The following CDH23 variants were observed in gnomAD, a reference collection of about 807,000 sequenced individuals.
The protein encoded by CDH23 is cadherin-23.
CDH23 carries 189 observed loss-of-function variants against 317.1 expected under a neutral mutation model. That is an observed-to-expected ratio of 0.60 (90% CI 0.53 to 0.67). The LOEUF is 0.67. Ranked by LOEUF, CDH23 falls within the 30% of genes least tolerant of loss-of-function variation. The probability of loss-of-function intolerance (pLI) is 0.00; values close to 1 mark genes in which losing one functional copy is unlikely to be tolerated. For missense variants in CDH23, 4,401 were observed against 4,592.4 expected, an observed-to-expected ratio of 0.96 and a Z score of 1.20; for synonymous variants, 1,839 against 1,876.8, an observed-to-expected ratio of 0.98 and a Z score of 0.52.
intron 48 of CDH23, 111 bp from the exon 49 acceptor site, chr10:71,796,993 G>C: frequency 1.4e-6 from 1 of 694,198 alleles, no homozygotes; most frequent in African/African-American, 1.8e-5. Context: ...GATTCTACTG[G>C]GGACCGTCAT....
intron 12 of CDH23, among the ~76,000 whole-genome samples, chr10:71,644,768 C>T (rs575880826): frequency 9.2e-5 from 14 of 152,242 alleles, no homozygotes; most frequent in Admixed American, 9.2e-4. Flanking sequence ...GTGGGCTCTG[C>T]ACCATAAGCC....
At chr10:71,609,143 G>A (rs1429698967) in intron 9 of CDH23, among the ~76,000 whole-genome samples, 1 of 152,120 alleles carries the variant, frequency 6.6e-6, no homozygotes, top group South Asian at 2.1e-4. Context: ...GGGGCGTGAA[G>A]GGGGGTAGCC....
chr10:71,779,482 C>T, intron 41 of CDH23, 35 bp downstream of exon 41: 1 of 1,549,352 alleles, frequency 6.5e-7, no homozygotes, highest in Non-Finnish European at 8.8e-7. Flanking sequence ...CCCACAGGGT[C>T]TCACCTGCAC....
chr10:71,653,266 G>T (rs1417880309), intron 14 of CDH23, among the ~76,000 whole-genome samples: 1 of 152,208 alleles, frequency 6.6e-6, no homozygotes, highest in African/African-American at 2.4e-5. Context: ...GGAAAAGGTG[G>T]GTATGATGTC....
chr10:71,798,813 C>T (rs753785984), intron 50 of CDH23, among the ~76,000 whole-genome samples: 1 of 152,156 alleles, frequency 6.6e-6, no homozygotes, highest in Non-Finnish European at 1.5e-5. Context: ...ACCCCACCAC[C>T]CAAGCTCCTA....
intron 1 of CDH23, among the ~76,000 whole-genome samples, chr10:71,434,076 G>T (rs1041973228): frequency 1.3e-5 from 2 of 151,996 alleles, no homozygotes; most frequent in African/African-American, 4.8e-5. Context: ...AGCCACGCTG[G>T]CCTCCTCATG....
chr10:71,475,299 A>G (rs536505260), intron 3 of CDH23, among the ~76,000 whole-genome samples: 2 of 152,288 alleles, frequency 1.3e-5, no homozygotes, highest in East Asian at 3.9e-4. Context: ...CCCAAGTGTG[A>G]GCATCACAGT....
chr10:71,572,411 C>T (rs1857879356), intron 8 of CDH23, among the ~76,000 whole-genome samples: 1 of 152,178 alleles, frequency 6.6e-6, no homozygotes, highest in Admixed American at 6.5e-5. Context: ...CCTGAGTGGT[C>T]AGCACTCTTG....
chr10:71,522,733 T>G (rs1470877410), intron 6 of CDH23, among the ~76,000 whole-genome samples: 1 of 152,078 alleles, frequency 6.6e-6, no homozygotes, highest in Non-Finnish European at 1.5e-5. Flanking sequence ...GCTGCCTAGG[T>G]GCTGGGATAA....
In CDH23 at chr10:71,785,674, T is replaced by A; in HGVS notation, c.5756T>A (p.Ile1919Asn). Residue 1919 changes from isoleucine (I) to asparagine (N), a missense_variant, in exon 44 of 70, where the codon ATC becomes AAC. Physicochemically the swap from Ile to Asn is moderately radical, Grantham distance 149. Around this residue, in one of 3 missense-constraint regions of CDH23, gnomAD observed 3,068 missense variants for 3,203.3 expected, o/e 0.96. Coordinates refer to ENST00000224721, the MANE Select transcript of CDH23 (RefSeq NM_022124.6). ...AACCGGCCCCTGGACCGCGAGCGGATCCCAGAGTACAAGCTGACCATTTCT... is the reference window on the plus strand; with the variant it reads ...AACCGGCCCCTGGACCGCGAGCGGAACCCAGAGTACAAGCTGACCATTTCT... ...TVNRPLDRERIPEYKLTISVK... is the reference protein window; with the variant it reads ...TVNRPLDRERNPEYKLTISVK... The A allele has an allele frequency of 6.2e-7, 1 of 1,608,596 alleles. No homozygotes were observed. The highest frequency in any genetic ancestry group is 8.5e-7 in the Non-Finnish European group (1 of 1,177,700).
chr10:71,812,801 C>A lies in CDH23; in HGVS notation c.9544C>A (p.Pro3182Thr). The A allele has an allele frequency of 6.2e-7, 1 of 1,613,440 alleles. No homozygotes were observed. The highest frequency in any genetic ancestry group is 8.5e-7 in the Non-Finnish European group (1 of 1,179,618). The change falls in exon 68 of 70, where the codon CCT becomes ACT. Residue 3182 changes from proline (P) to threonine (T), a missense_variant. Pro to Thr is a conservative substitution (Grantham distance 38). Around this residue, in one of 3 missense-constraint regions of CDH23, gnomAD observed 1,144 missense variants for 1,138.2 expected, o/e 1.01. Transcript: ENST00000224721. Reference protein sequence around the residue: ...TFGREPAAVKPDDDRYLRAAI... With the variant: ...TFGREPAAVKTDDDRYLRAAI... ...TGGGCGTGAGCCAGCAGCTGTCAAG[C>A]CTGATGATGACCGATACCTGCGGGC... is the stretch of plus-strand genomic sequence containing the variant.
At chr10:71,789,918 A>G (rs1258410729) in intron 45 of CDH23, among the ~76,000 whole-genome samples, 3 of 152,232 alleles carry the variant, frequency 2.0e-5, no homozygotes, top group African/African-American at 7.2e-5. Context: ...AAGGCAGAGC[A>G]TTGTGTGAAC....
intron 4 of CDH23, 109 bp from the exon 5 acceptor site, chr10:71,510,845 G>T: frequency 1.9e-6 from 2 of 1,070,214 alleles, no homozygotes; most frequent in Non-Finnish European, 2.9e-6. Flanking sequence ...CCTGGTTCCA[G>T]GCAAGCTCCT....
intron 3 of CDH23, among the ~76,000 whole-genome samples, chr10:71,458,326 C>G (rs1850799770): frequency 1.3e-5 from 2 of 152,258 alleles, no homozygotes; most frequent in African/African-American, 4.8e-5. Context: ...TGTGCCTTCC[C>G]TTCCTCCTTT....
intron 38 of CDH23, among the ~76,000 whole-genome samples, chr10:71,772,516 A>G (rs1840710052): frequency 6.6e-6 from 1 of 152,188 alleles, no homozygotes; most frequent in Non-Finnish European, 1.5e-5. Context: ...CCAGCCCGGG[A>G]GCCCCTGTGT....
intron 13 of CDH23, 70 bp downstream of exon 13, chr10:71,646,050 A>G: frequency 6.4e-7 from 1 of 1,556,148 alleles, no homozygotes; most frequent in Non-Finnish European, 8.7e-7. Context: ...AGGGTAGGGT[A>G]GAAGATTCCC....
chr10:71,426,016 C>T (rs1849061282), intron 1 of CDH23, among the ~76,000 whole-genome samples: 1 of 152,166 alleles, frequency 6.6e-6, no homozygotes, highest in Non-Finnish European at 1.5e-5. Context: ...GTGAACCTTT[C>T]TATTGACTGG....
intron 34 of CDH23, chr10:71,737,830 G>A: frequency 2.1e-6 from 1 of 466,168 alleles, no homozygotes; most frequent in African/African-American, 2.0e-5. Flanking sequence ...CCGAGCCACA[G>A]ACACAAAACA....
chr10:71,718,814 C>T (rs1866413036), intron 28 of CDH23, among the ~76,000 whole-genome samples: 2 of 152,130 alleles, frequency 1.3e-5, no homozygotes. Flanking sequence ...CACCTGTAAT[C>T]CCAGCACTTT....
Sources: gnomAD v4.1 joint callset for allele counts (sites outside exome capture counted in the v4.1 genomes callset) on GRCh38, gnomAD v4.1.1 for gene constraint, gnomAD v4.1.1 regional missense constraint, MANE v1.5 for transcripts, NCBI Gene and HGNC (gene_info 2026-07-23, HGNC 2026-07-21) for gene names.